The following CHDH variants were observed in gnomAD, a reference collection of about 807,000 sequenced individuals.
CHDH encodes choline dehydrogenase, mitochondrial.
CHDH carries 43 observed loss-of-function variants against 56.9 expected under a neutral mutation model. That is an observed-to-expected ratio of 0.76 (90% CI 0.59 to 0.97). The LOEUF (loss-of-function observed/expected upper bound fraction) is 0.97, where lower values mean the gene tolerates loss of function less well. Ranked by LOEUF, CHDH falls within the 50% of genes least tolerant of loss-of-function variation. The pLI, the probability that CHDH is intolerant of heterozygous loss-of-function variation, is 0.00. For synonymous variants in CHDH, 364 were observed against 348.5 expected (o/e 1.04, Z -0.50); for missense variants, 816 against 821.1 (o/e 0.99, Z 0.08).
intron 2 of CHDH, among the ~76,000 whole-genome samples, chr3:53,835,391 A>T (rs1224268510): frequency 6.6e-6 from 1 of 152,230 alleles, no homozygotes; most frequent in Admixed American, 6.5e-5. Flanking sequence ...GGCACCCTGA[A>T]GTCAGCACTG....
At chr3:53,842,225 C>G (rs1375343493) in intron 1 of CHDH, among the ~76,000 whole-genome samples, 2 of 152,190 alleles carry the variant, frequency 1.3e-5, no homozygotes, top group Non-Finnish European at 2.9e-5. Context: ...TTCATCCTCC[C>G]TCTTCTTACA....
In CHDH at chr3:53,814,421, G is replaced by C. The variant is rs1305132282; in HGVS notation, c.*3356C>G. On this transcript the variant is annotated 3_prime_UTR_variant, in exon 9 of 9. Coordinates refer to ENST00000315251, the MANE Select transcript of CHDH (RefSeq NM_018397.5). ...AAAACAGTATTTCTTTTCCTCTCCTGGGGACTAGGAGGGCAGGAGACAATG... is the reference window on the plus strand; with the variant it reads ...AAAACAGTATTTCTTTTCCTCTCCTCGGGACTAGGAGGGCAGGAGACAATG... 2.0e-5 allele frequency: 3 copies of C among 152,134 alleles called. No homozygotes were observed. The highest frequency in any genetic ancestry group is 7.2e-5 in the African/African-American group (3 of 41,420). The allele number at this position is 152,134 out of a possible 1,614,324, so 9.4% of individuals were successfully genotyped here.
intron 1 of CHDH, among the ~76,000 whole-genome samples, chr3:53,842,502 C>A (rs1223834139): frequency 6.6e-6 from 1 of 152,156 alleles, no homozygotes; most frequent in Non-Finnish European, 1.5e-5. Flanking sequence ...GCATCCGAGG[C>A]TTTCTTTGAG....
intron 3 of CHDH, among the ~76,000 whole-genome samples, chr3:53,823,097 C>G (rs2095630979): frequency 6.6e-6 from 1 of 152,032 alleles, no homozygotes; most frequent in African/African-American, 2.4e-5. Flanking sequence ...CAGAGAACGC[C>G]CAGGGTCACC....
At position 53,815,585 on chromosome 3, in the gene CHDH, A is replaced by G. The variant is rs2095614368; in HGVS notation, c.*2192T>C. ...TGGGTGCAATTGAGCAGCATCACCAATGGGCTCCTCTTACCATATGACGTT... is the reference window on the plus strand; with the variant it reads ...TGGGTGCAATTGAGCAGCATCACCAGTGGGCTCCTCTTACCATATGACGTT... On this transcript the variant is annotated 3_prime_UTR_variant, in exon 9 of 9. Coordinates refer to ENST00000315251, the MANE Select transcript of CHDH (RefSeq NM_018397.5). 6.6e-6 allele frequency: 1 copy of G among 152,256 alleles called. No individual in the cohort carries two copies. The highest frequency in any genetic ancestry group is 2.1e-4 in the South Asian group (1 of 4,832). 9.4% of individuals were successfully genotyped at this position (152,256 alleles called of 1,614,324 possible). A position where few individuals can be genotyped will look rare whatever the true frequency, so the allele number is the denominator to read the frequency against.
intron 2 of CHDH, among the ~76,000 whole-genome samples, chr3:53,838,896 C>T (rs960054649): frequency 5.9e-5 from 9 of 152,186 alleles, no homozygotes; most frequent in Non-Finnish European, 8.8e-5. Context: ...GCTGCAGAAT[C>T]TGCCCACTTT....
At chr3:53,844,629 C>T (rs113818930) in intron 1 of CHDH, 2 of 152,854 alleles carry the variant, frequency 1.3e-5, no homozygotes, top group African/African-American at 2.4e-5. Context: ...CAACACCAAG[C>T]TCACAGCAGG....
rs745782356 is a variant in CHDH, at chr3:53,819,034, C to T, written c.1270G>A (p.Val424Met). 2 of 1,610,322 alleles carry T rather than the reference C, an allele frequency of 1.2e-6. No individual in the cohort carries two copies. The highest frequency in any genetic ancestry group is 8.5e-7 in the Non-Finnish European group (1 of 1,176,894). Reference sequence around the variant, plus strand: ...ACACTCGTGCCCCGCATGGGCCCCACATGTACCTAGAAGAACACAGAGGAA... The same window carrying T: ...ACACTCGTGCCCCGCATGGGCCCCATATGTACCTAGAAGAACACAGAGGAA... ...PTQQEAYQVH[V>M]GPMRGTSVGW... Residue 424 changes from valine to methionine, a missense_variant, in exon 8 of 9, where the codon GTG (valine) becomes ATG (methionine). By Grantham distance (21) the Val-to-Met change is conservative. Transcript: ENST00000315251. The surrounding 1 kb of genome is among the most constrained non-coding windows in gnomAD (Gnocchi z 5.4).
In CHDH at chr3:53,822,649, G is replaced by A; in HGVS notation, c.704-7C>T. ...GCCGCGCTCCACCGTTTGCCTGCAG[G>A]ATGGAGTGAGGTGGTCAGGCATGGC... On this transcript the variant is annotated splice_region_variant and splice_polypyrimidine_tract_variant and intron_variant, in intron 3 of 8. Transcript: ENST00000315251. The A allele has an allele frequency of 6.2e-7, 1 of 1,606,002 alleles. No homozygotes were observed.
intron 1 of CHDH, among the ~76,000 whole-genome samples, chr3:53,845,294 G>A (rs1478038971): frequency 2.6e-5 from 4 of 152,204 alleles, no homozygotes; most frequent in Non-Finnish European, 2.9e-5. Flanking sequence ...GCTGGCAGGT[G>A]GGCCAGGCCT....
chr3:53,837,871 A>G (rs1698547669), intron 2 of CHDH, among the ~76,000 whole-genome samples: 1 of 152,052 alleles, frequency 6.6e-6, no homozygotes, highest in Non-Finnish European at 1.5e-5. Context: ...CAGCCTGGCC[A>G]ACATGGCAAA....
Position 53,823,567 on chromosome 3 carries a change from C to T in CHDH, c.442G>A (p.Glu148Lys), listed in dbSNP as rs772870072. The change falls in exon 3 of 9, where the codon GAG becomes AAG. Residue 148 changes from glutamate (E) to lysine (K), a missense_variant. Transcript: ENST00000315251. ...CGGGCGCCCTGGCGCTGCCAGCGCT[C>T]GTAGTCCTCGGCGTGCCCACGGACG... ...VYVRGHAEDYERWQRQGARGW... is the reference protein window; with the variant it reads ...VYVRGHAEDYKRWQRQGARGW... 36 of 1,543,098 alleles carry T rather than the reference C, an allele frequency of 2.3e-5. No individual in the cohort carries two copies. Among genetic ancestry groups the T allele is most frequent in the African/African-American group, 1.5e-4 (11 of 72,946 alleles).
rs1201890960 is a variant in CHDH at position 53,817,932 on chromosome 3, C to T, written c.1630G>A (p.Asp544Asn). The stretch of plus-strand genomic sequence containing the variant: ...ACCATGCTAGGCATGATGGAGGCAT[C>T]GACGACCCTGAGGTTTTCCACCCCG... ...VLGVENLRVVDASIMPSMVSG... is the reference protein window; with the variant it reads ...VLGVENLRVVNASIMPSMVSG... Residue 544 changes from aspartate to asparagine, a missense_variant, in exon 9 of 9, where the codon GAT becomes AAT. Coordinates refer to ENST00000315251, the MANE Select transcript of CHDH (RefSeq NM_018397.5). The T allele has an allele frequency of 1.8e-5, 29 of 1,614,102 alleles. No individual in the cohort carries two copies. The highest frequency in any genetic ancestry group is 2.4e-5 in the Non-Finnish European group (28 of 1,180,062).
chr3:53,813,184 C>T lies in CHDH; in HGVS notation c.*4593G>A, dbSNP rs2095608441. The T allele has an allele frequency of 7.3e-6, 1 of 137,302 alleles. No homozygotes were observed. Among genetic ancestry groups the T allele is most frequent in the African/African-American group, 2.7e-5 (1 of 36,720 alleles). The allele number at this position is 137,302 out of a possible 1,614,324, so 8.5% of individuals were successfully genotyped here. On this transcript the variant is annotated 3_prime_UTR_variant, in exon 9 of 9. Transcript: ENST00000315251. ...AACAAACACCACTTTGTTATGAAGA[C>T]CTTACAAACCTCTTCTTAAGACATT...
chr3:53,819,044 G>C lies in CHDH; in HGVS notation c.1264-4C>G, dbSNP rs2095621060. ...CCCGCATGGGCCCCACATGTACCTA[G>C]AAGAACACAGAGGAAGCAGTGACGG... On this transcript the variant is annotated splice_region_variant and splice_polypyrimidine_tract_variant and intron_variant, in intron 7 of 8. Coordinates refer to ENST00000315251, the MANE Select transcript of CHDH (RefSeq NM_018397.5). The surrounding 1 kb of genome is among the most constrained non-coding windows in gnomAD (Gnocchi z 5.4). 11 of 1,598,504 alleles carry C rather than the reference G, an allele frequency of 6.9e-6. No homozygotes were observed. The highest frequency in any genetic ancestry group is 6.9e-6 in the Non-Finnish European group (8 of 1,166,448).
intron 2 of CHDH, among the ~76,000 whole-genome samples, chr3:53,838,315 CA>C (rs879444783): frequency 0.023 from 3,455 of 152,260 alleles, 66 homozygotes; most frequent in Non-Finnish European, 0.029. Context: ...GGGCCCCTCC[CA>C]GAGTCAAGCA....
intron 2 of CHDH, among the ~76,000 whole-genome samples, chr3:53,830,708 G>A (rs1037483803): frequency 6.6e-6 from 1 of 152,052 alleles, no homozygotes; most frequent in African/African-American, 2.4e-5. Flanking sequence ...TTTTTTCCAA[G>A]TGCACATGGA....
Position 53,819,636 on chromosome 3 carries a change from T to A in CHDH, c.1159A>T (p.Ile387Phe). 1 of 1,611,068 alleles carries A rather than the reference T, an allele frequency of 6.2e-7. No individual in the cohort carries two copies. Among genetic ancestry groups the A allele is most frequent in the Non-Finnish European group, 8.5e-7 (1 of 1,178,374 alleles). ...ATAHLETGGF[I>F]RSQPGVPHPD... ...TGGGGGACCCCAGGCTGGCTGCGGATGAACCCACCTGTTTCCAGATGGGCA... is the reference window on the plus strand; with the variant it reads ...TGGGGGACCCCAGGCTGGCTGCGGAAGAACCCACCTGTTTCCAGATGGGCA... The change falls in exon 7 of 9, where the codon ATC (isoleucine) becomes TTC (phenylalanine). Residue 387 changes from isoleucine to phenylalanine, a missense_variant. By Grantham distance (21) the Ile-to-Phe change is conservative. Transcript: ENST00000315251. The surrounding 1 kb of genome is among the most constrained non-coding windows in gnomAD (Gnocchi z 5.4).
intron 3 of CHDH, 41 bp downstream of exon 3, chr3:53,823,265 A>C: frequency 7.0e-7 from 1 of 1,436,926 alleles, no homozygotes; most frequent in Non-Finnish European, 9.2e-7. Context: ...GGGCTGGGGT[A>C]GGGGGTAGTG....
Sources: allele counts gnomAD v4.1 joint callset (sites outside exome capture counted in the v4.1 genomes callset), GRCh38; gene constraint gnomAD v4.1.1; non-coding constraint Gnocchi (gnomAD v3.1); transcripts MANE v1.5; gene names NCBI Gene and HGNC (gene_info 2026-07-23, HGNC 2026-07-21).